The following KCNJ6 variants were observed in gnomAD, a reference collection of about 807,000 sequenced individuals.
The protein encoded by KCNJ6 is potassium inwardly rectifying channel subfamily J member 6.
In KCNJ6, 9 loss-of-function variants were observed where a neutral mutation model predicts 34.2. That is an observed-to-expected ratio of 0.26 (90% CI 0.16 to 0.46). The LOEUF is 0.46. KCNJ6 is among the 20% of genes least tolerant of loss of function. The pLI, the probability that KCNJ6 is intolerant of heterozygous loss-of-function variation, is 1.00. For synonymous variants in KCNJ6, 196 were observed against 207.1 expected (o/e 0.95, Z 0.46); for missense variants, 236 against 531.3 (o/e 0.44, Z 5.46).
intron 2 of KCNJ6, among the ~76,000 whole-genome samples, chr21:37,741,262 C>T (rs933007225): frequency 6.6e-6 from 1 of 152,120 alleles, no homozygotes; most frequent in Non-Finnish European, 1.5e-5. Context: ...CCTGAAGAGT[C>T]CCCCCACACC....
At chr21:37,744,047 T>C (rs1206023714) in intron 2 of KCNJ6, among the ~76,000 whole-genome samples, 1 of 150,472 alleles carries the variant, frequency 6.6e-6, no homozygotes, top group East Asian at 2.0e-4. Flanking sequence ...CAATAATGGA[T>C]AGTATATCGC....
chr21:37,670,701 G>A (rs11700489), intron 3 of KCNJ6, among the ~76,000 whole-genome samples: 52,894 of 151,870 alleles, frequency 0.35, 9,600 homozygotes, highest in Admixed American at 0.41. Context: ...GGAGGCAGAG[G>A]CTGCAGTCAC....
intron 3 of KCNJ6, among the ~76,000 whole-genome samples, chr21:37,676,473 C>G (rs2054565303): frequency 6.6e-6 from 1 of 152,222 alleles, no homozygotes; most frequent in African/African-American, 2.4e-5. Flanking sequence ...CAGCCCAGTG[C>G]CTTGTGGAAG....
intron 2 of KCNJ6, among the ~76,000 whole-genome samples, chr21:37,726,630 T>C (rs555117412): frequency 1.2e-4 from 18 of 152,346 alleles, no homozygotes; most frequent in Admixed American, 7.2e-4. Context: ...AAAGAATGAA[T>C]GTTCTCCAAA....
chr21:37,887,842 T>C, intron 1 of KCNJ6, among the ~76,000 whole-genome samples: 1 of 152,212 alleles, frequency 6.6e-6, no homozygotes, highest in Admixed American at 6.5e-5. Context: ...CTTCTCTTTT[T>C]CCTATCCTGC....
chr21:37,846,478 T>G (rs1175366518), intron 1 of KCNJ6, among the ~76,000 whole-genome samples: 1 of 151,424 alleles, frequency 6.6e-6, no homozygotes. Context: ...AGAAAGGGTT[T>G]TTTTCTGCTG....
intron 3 of KCNJ6, among the ~76,000 whole-genome samples, chr21:37,635,465 G>C (rs8129707): frequency 0.016 from 2,454 of 152,018 alleles, 65 homozygotes; most frequent in African/African-American, 0.054. Flanking sequence ...TGATCTGCCT[G>C]CCTCAGCCTC....
intron 2 of KCNJ6, among the ~76,000 whole-genome samples, chr21:37,797,763 C>T (rs868739335): frequency 6.6e-6 from 1 of 152,334 alleles, no homozygotes; most frequent in African/African-American, 2.4e-5. Flanking sequence ...GGGATTCTCC[C>T]TGCTCCATCC....
chr21:37,626,210 G>A (rs1446988515), intron 3 of KCNJ6, among the ~76,000 whole-genome samples: 4 of 150,190 alleles, frequency 2.7e-5, no homozygotes, highest in African/African-American at 9.8e-5. Context: ...GGCTCACTGC[G>A]ACCTCCACCT....
intron 3 of KCNJ6, among the ~76,000 whole-genome samples, chr21:37,627,026 T>C (rs1224931717): frequency 6.6e-6 from 1 of 152,164 alleles, no homozygotes; most frequent in East Asian, 1.9e-4. Context: ...CAATAAGTAT[T>C]ACGCAGCTGC....
chr21:37,767,037 G>A (rs977376227), intron 2 of KCNJ6, among the ~76,000 whole-genome samples: 1 of 152,238 alleles, frequency 6.6e-6, no homozygotes, highest in Non-Finnish European at 1.5e-5. Flanking sequence ...GTGCCAAAAC[G>A]CTTGGGGACT....
chr21:37,843,867 T>C (rs1049367213), intron 1 of KCNJ6, among the ~76,000 whole-genome samples: 1 of 152,214 alleles, frequency 6.6e-6, no homozygotes. Flanking sequence ...AGATCCCTTA[T>C]ACAGCAGTCC....
chr21:37,745,313 G>A (rs530319110), intron 2 of KCNJ6, among the ~76,000 whole-genome samples: 9 of 152,156 alleles, frequency 5.9e-5, no homozygotes, highest in Admixed American at 5.2e-4. Flanking sequence ...GCAGAGATGA[G>A]GTATTACTCT....
intron 2 of KCNJ6, among the ~76,000 whole-genome samples, chr21:37,773,090 T>C (rs1401633316): frequency 1.3e-5 from 2 of 152,222 alleles, no homozygotes; most frequent in African/African-American, 4.8e-5. Flanking sequence ...ACTGGGGTGT[T>C]GTTATACTGT....
intron 2 of KCNJ6, among the ~76,000 whole-genome samples, chr21:37,829,872 T>C (rs536086230): frequency 6.6e-6 from 1 of 152,202 alleles, no homozygotes; most frequent in South Asian, 2.1e-4. Context: ...CCATTACCAA[T>C]AACTTGGAAA....
intron 2 of KCNJ6, among the ~76,000 whole-genome samples, chr21:37,778,376 T>C (rs1301731317): frequency 6.6e-6 from 1 of 152,196 alleles, no homozygotes; most frequent in African/African-American, 2.4e-5. Context: ...CACCTCTTAA[T>C]AGACAACTGT....
chr21:37,813,583 G>T (rs1056868537), intron 2 of KCNJ6, among the ~76,000 whole-genome samples: 2 of 152,062 alleles, frequency 1.3e-5, no homozygotes. Context: ...AGAATAGAGA[G>T]CCCAGAAGCA....
intron 3 of KCNJ6, among the ~76,000 whole-genome samples, chr21:37,637,444 T>G (rs2054363008): frequency 6.6e-6 from 1 of 152,224 alleles, no homozygotes; most frequent in Non-Finnish European, 1.5e-5. Flanking sequence ...CCTAATTCTA[T>G]TCTCACCAAG....
intron 2 of KCNJ6, among the ~76,000 whole-genome samples, chr21:37,759,496 G>C (rs2055049393): frequency 6.6e-6 from 1 of 152,116 alleles, no homozygotes; most frequent in Admixed American, 6.6e-5. Context: ...AACCCCGCAG[G>C]GTCTTGCTCC....
Sources: allele counts gnomAD v4.1 joint callset (sites outside exome capture counted in the v4.1 genomes callset), GRCh38; gene constraint gnomAD v4.1.1; transcripts MANE v1.5; gene names NCBI Gene and HGNC (gene_info 2026-07-23, HGNC 2026-07-21).